XRCC4: variants seen among roughly 807,000 people sequenced by gnomAD.
XRCC4 encodes DNA repair protein XRCC4.
Under a neutral mutation model 39.1 loss-of-function variants are expected in XRCC4, and 28 were observed. That is an observed-to-expected ratio of 0.72 (90% confidence interval 0.53 to 0.98). The LOEUF (loss-of-function observed/expected upper bound fraction) is 0.98. XRCC4 is among the 50% of genes least tolerant of loss of function. XRCC4 has a pLI of 0.00. For synonymous variants in XRCC4, 123 were observed against 126.4 expected (o/e 0.97, Z 0.18); for missense variants, 350 against 376.4 (o/e 0.93, Z 0.58).
chr5:83,196,187 C>G (rs55667047), intron 4 of XRCC4, among the ~76,000 whole-genome samples: 342 of 151,916 alleles, frequency 2.3e-3, no homozygotes, highest in African/African-American at 7.7e-3. Flanking sequence ...CATTGAAGAT[C>G]AAAACCCATT....
chr5:83,275,740 A>G lies in XRCC4; in HGVS notation c.893+17063A>G, dbSNP rs150323769. 2.4e-4 allele frequency among the ~76,000 whole-genome samples: 37 copies of G among 152,326 alleles called. 1 individual carries two copies. The East Asian group carries it at 5.8e-3, about 24-fold the overall frequency. On this transcript the variant is annotated intron_variant, in intron 7 of 7. Transcript: ENST00000396027. The stretch of plus-strand genomic sequence containing the variant: ...GATTTATGACCATGATCTTAAAGTG[A>G]GCACAGACAGCCTGAGTGGCTGTTT...
At chr5:83,251,966 G>C (rs1753337419) in intron 6 of XRCC4, among the ~76,000 whole-genome samples, 1 of 152,212 alleles carries the variant, frequency 6.6e-6, no homozygotes, top group Non-Finnish European at 1.5e-5. Context: ...TTACAGAATT[G>C]AAAATGGGCA....
At position 83,152,632 on chromosome 5, in the gene XRCC4, CAAAA is replaced by C. The variant is rs59213558; in HGVS notation, c.315+41447_315+41450del. 3.6e-3 allele frequency among the ~76,000 whole-genome samples: 410 copies of C among 112,330 alleles called. 3 individuals carry two copies. The highest frequency in any genetic ancestry group is 0.012 in the African/African-American group (392 of 33,100). The allele number at this position is 112,330 out of a possible 152,430, so 73.7% of individuals were successfully genotyped here. ...TGGACGACAAAGTGAGATCCTGTCT[CAAAA>C]AAAAAAAAAAAAAAAAAGAAATAGA... On this transcript the variant is annotated intron_variant, in intron 3 of 7. Transcript: ENST00000396027.
chr5:83,372,258 T>C, the XRCC4 span, among the ~76,000 whole-genome samples: 2 of 152,208 alleles, frequency 1.3e-5, no homozygotes, highest in Non-Finnish European at 2.9e-5. Flanking sequence ...AATGTGCAAA[T>C]TTCCAAAGTG....
downstream of XRCC4, among the ~76,000 whole-genome samples, chr5:83,354,389 G>A (rs1397374764): frequency 6.6e-6 from 1 of 152,066 alleles, no homozygotes; most frequent in Non-Finnish European, 1.5e-5. Context: ...ATTCTAGGTC[G>A]TTTGTGATTT....
intron 7 of XRCC4, among the ~76,000 whole-genome samples, chr5:83,336,278 A>G (rs1032253777): frequency 6.6e-6 from 1 of 152,120 alleles, no homozygotes; most frequent in African/African-American, 2.4e-5. Flanking sequence ...TTTTCTGTGC[A>G]TATTTATAGC....
At chr5:83,314,300 T>C (rs1755807639) in intron 7 of XRCC4, among the ~76,000 whole-genome samples, 1 of 152,208 alleles carries the variant, frequency 6.6e-6, no homozygotes, top group African/African-American at 2.4e-5. Context: ...TTTTAGATAA[T>C]TGTTGCCTAG....
intron 6 of XRCC4, among the ~76,000 whole-genome samples, chr5:83,224,002 C>T (rs1445437062): frequency 2.0e-5 from 3 of 151,896 alleles, no homozygotes; most frequent in Non-Finnish European, 4.4e-5. Context: ...GCCACATTTT[C>T]TTCATCCAGT....
chr5:83,316,418 A>G (rs989378860), intron 7 of XRCC4, among the ~76,000 whole-genome samples: 8 of 151,596 alleles, frequency 5.3e-5, no homozygotes, highest in Non-Finnish European at 8.8e-5. Flanking sequence ...AAGTTGGATA[A>G]AGAGTCAAGA....
At chr5:83,102,515 G>A (rs575760149) in intron 1 of XRCC4, among the ~76,000 whole-genome samples, 1 of 152,178 alleles carries the variant, frequency 6.6e-6, no homozygotes, top group East Asian at 1.9e-4. Flanking sequence ...ATATCCAGAA[G>A]TCAGCAATAG....
intron 6 of XRCC4, among the ~76,000 whole-genome samples, chr5:83,251,861 G>A (rs371110721): frequency 6.6e-6 from 1 of 152,260 alleles, no homozygotes; most frequent in African/African-American, 2.4e-5. Context: ...CAGTTTATTT[G>A]GTGATTGGTA....
intron 7 of XRCC4, among the ~76,000 whole-genome samples, chr5:83,274,118 A>G (rs1316695675): frequency 2.0e-5 from 3 of 152,184 alleles, no homozygotes; most frequent in Non-Finnish European, 2.9e-5. Flanking sequence ...TGCCAGGCAC[A>G]TGATAAGTGT....
At chr5:83,320,274 G>T (rs1327755749) in intron 7 of XRCC4, among the ~76,000 whole-genome samples, 3 of 148,316 alleles carry the variant, frequency 2.0e-5, no homozygotes, top group Non-Finnish European at 4.5e-5. Flanking sequence ...ACGTTAGTGG[G>T]TGCAGCGCAC....
At chr5:83,161,253 G>T (rs1225642755) in intron 3 of XRCC4, among the ~76,000 whole-genome samples, 3 of 151,906 alleles carry the variant, frequency 2.0e-5, no homozygotes, top group South Asian at 4.2e-4. Context: ...TGGGATTATG[G>T]GCACCCACCA....
At chr5:83,108,882 G>A (rs1462901175) in intron 2 of XRCC4, among the ~76,000 whole-genome samples, 3 of 147,976 alleles carry the variant, frequency 2.0e-5, no homozygotes, top group Non-Finnish European at 3.0e-5. Flanking sequence ...GAGCTACTAG[G>A]GCATTTGAAA....
intron 4 of XRCC4, 116 bp from the exon 5 acceptor site, chr5:83,203,436 A>C: frequency 1.2e-6 from 1 of 836,432 alleles, no homozygotes; most frequent in East Asian, 3.0e-5. Context: ...GTGAAAGCAT[A>C]TGTGAAAATA....
intron 6 of XRCC4, among the ~76,000 whole-genome samples, chr5:83,258,188 A>T (rs1487215741): frequency 6.6e-6 from 1 of 151,480 alleles, no homozygotes; most frequent in Non-Finnish European, 1.5e-5. Flanking sequence ...AAAAGATAAT[A>T]AAAAAAAACT....
intron 7 of XRCC4, among the ~76,000 whole-genome samples, chr5:83,337,355 A>G (rs1486141082): frequency 1.3e-5 from 2 of 152,096 alleles, no homozygotes; most frequent in African/African-American, 4.8e-5. Context: ...TATGTGTGGG[A>G]TTTTTTGACT....
intron 3 of XRCC4, among the ~76,000 whole-genome samples, chr5:83,184,680 G>A (rs1432734040): frequency 1.3e-5 from 2 of 152,056 alleles, no homozygotes; most frequent in Non-Finnish European, 1.5e-5. Context: ...CTTTTGGCCA[G>A]TATTTGCTTA....
Sources: gnomAD v4.1 joint callset for allele counts (sites outside exome capture counted in the v4.1 genomes callset) on GRCh38, gnomAD v4.1.1 for gene constraint, MANE v1.5 for transcripts, NCBI Gene and HGNC (gene_info 2026-07-23, HGNC 2026-07-21) for gene names.